Variants in SLC44A5 observed in about 807,000 individuals in gnomAD.
SLC44A5 encodes the protein solute carrier family 44 member 5, also known as choline transporter-like protein 5.
Under a neutral mutation model 101.8 loss-of-function variants are expected in SLC44A5, and 57 were observed. The ratio of observed to expected loss-of-function variants is 0.56; its 90% CI spans 0.45 to 0.70. The LOEUF (loss-of-function observed/expected upper bound fraction) is 0.70. Ranked by LOEUF, SLC44A5 falls within the 30% of genes least tolerant of loss-of-function variation. The pLI, the probability that SLC44A5 is intolerant of heterozygous loss-of-function variation, is 0.00. For synonymous variants in SLC44A5, 281 were observed against 290.9 expected, an observed-to-expected ratio of 0.97 and a Z score of 0.35; for missense variants, 737 against 853.1, an observed-to-expected ratio of 0.86 and a Z score of 1.70.
chr1:75,702,405 G>T, the SLC44A5 span, among the ~76,000 whole-genome samples: 1 of 152,050 alleles, frequency 6.6e-6, no homozygotes, highest in African/African-American at 2.4e-5. Context: ...ACAAGAAATG[G>T]GGAAAGGATT....
At chr1:75,592,082 G>C (rs1557941852) in intron 1 of SLC44A5, among the ~76,000 whole-genome samples, 4 of 152,110 alleles carry the variant, frequency 2.6e-5, no homozygotes. Flanking sequence ...AAAGGAAGAA[G>C]TCAAATTATC....
chr1:75,643,720 C>T, the SLC44A5 span, among the ~76,000 whole-genome samples: 3 of 152,254 alleles, frequency 2.0e-5, no homozygotes, highest in African/African-American at 4.8e-5. Flanking sequence ...TGCTCCCTGG[C>T]CTGCGGCCAA....
At chr1:75,608,097 A>G (rs1281222866) in intron 1 of SLC44A5, among the ~76,000 whole-genome samples, 1 of 151,860 alleles carries the variant, frequency 6.6e-6, no homozygotes, top group Non-Finnish European at 1.5e-5. Context: ...ATCATACAGT[A>G]TTTTTCTTTT....
In SLC44A5 at chr1:75,513,708, C is replaced by T. The variant is rs1001227739; in HGVS notation, c.13+27727G>A. ...ACAGCTAGAGGTAGACAAGGAGTTCCAATCCAACATACAAAAGGGAGCCTT... is the reference window on the plus strand; with the variant it reads ...ACAGCTAGAGGTAGACAAGGAGTTCTAATCCAACATACAAAAGGGAGCCTT... On this transcript the variant is annotated intron_variant, in intron 2 of 23. Coordinates refer to ENST00000370859, the MANE Select transcript of SLC44A5 (RefSeq NM_001130058.2). Among the ~76,000 whole-genome samples the T allele has an allele frequency of 2.6e-5, 4 of 152,302 alleles. No homozygotes were observed. In the South Asian group the frequency reaches 6.2e-4, roughly 24 times the overall value.
At chr1:75,609,146 C>A (rs113066577) in intron 1 of SLC44A5, among the ~76,000 whole-genome samples, 2 of 151,598 alleles carry the variant, frequency 1.3e-5, no homozygotes, top group Non-Finnish European at 2.9e-5. Flanking sequence ...GTAGAAGAGA[C>A]GGCAACCTTC....
At chr1:75,226,554 C>A (rs1455973499) in intron 13 of SLC44A5, among the ~76,000 whole-genome samples, 1 of 151,860 alleles carries the variant, frequency 6.6e-6, no homozygotes, top group Non-Finnish European at 1.5e-5. Context: ...CCTGAGTATC[C>A]TTGAATGAAG....
chr1:75,545,901 A>C (rs1671624763), intron 1 of SLC44A5, among the ~76,000 whole-genome samples: 2 of 151,062 alleles, frequency 1.3e-5, no homozygotes, highest in Non-Finnish European at 2.9e-5. Context: ...AGCATGGCTC[A>C]CTGAAACCTC....
chr1:75,315,639 C>A (rs2100933318), intron 4 of SLC44A5, among the ~76,000 whole-genome samples: 1 of 152,260 alleles, frequency 6.6e-6, no homozygotes, highest in East Asian at 1.9e-4. Flanking sequence ...TCTTCTAATT[C>A]TATCTGTTAA....
At chr1:75,368,182 C>A (rs892166499) in intron 3 of SLC44A5, among the ~76,000 whole-genome samples, 5 of 150,950 alleles carry the variant, frequency 3.3e-5, no homozygotes, top group African/African-American at 1.2e-4. Flanking sequence ...ATTAAAAAAA[C>A]ACTCATAAAT....
At chr1:75,474,240 G>A (rs11804097) in intron 2 of SLC44A5, among the ~76,000 whole-genome samples, 31,731 of 152,034 alleles carry the variant, frequency 0.21, 3,793 homozygotes, top group African/African-American at 0.32. Context: ...TGCACCTTCT[G>A]TCAATTCCTA....
At chr1:75,221,959 TC>T (rs376182903) in intron 14 of SLC44A5, among the ~76,000 whole-genome samples, 35,077 of 143,846 alleles carry the variant, frequency 0.24, 6,377 homozygotes, top group African/African-American at 0.51. Flanking sequence ...GTCTTCTTCT[TC>T]TTTTTTTTTT....
rs561529774 is a variant in SLC44A5 at position 75,315,114 on chromosome 1, T to C, written c.102-14429A>G. Among the ~76,000 whole-genome samples, 7 of 152,268 alleles carry C rather than the reference T, an allele frequency of 4.6e-5. No individual in the cohort carries two copies. The East Asian group carries it at 1.4e-3, about 29-fold the overall frequency. On this transcript the variant is annotated intron_variant, in intron 4 of 23. Coordinates refer to ENST00000370859, the MANE Select transcript of SLC44A5 (RefSeq NM_001130058.2). ...CAGAGCTGCAGGATTATTTATGCAG[T>C]ATTTGTAAAGCACGTAGAACTCCTC...
At chr1:75,242,520 T>C (rs11162888) in intron 8 of SLC44A5, among the ~76,000 whole-genome samples, 25,620 of 152,028 alleles carry the variant, frequency 0.17, 2,419 homozygotes, top group Non-Finnish European at 0.22. Flanking sequence ...GAAATAAAAT[T>C]CTACTTGTTA....
rs1200987080 is a variant in SLC44A5 at position 75,215,786 on chromosome 1, T to C, written c.1696A>G (p.Ile566Val). 2 of 1,607,570 alleles carry C rather than the reference T, an allele frequency of 1.2e-6. No individual in the cohort carries two copies. The highest frequency in any genetic ancestry group is 1.7e-6 in the Non-Finnish European group (2 of 1,174,576). ...TAGGCATTTCTGTTTAAAAACTTTATTGCATTTTCCAAACACCAGAAGCAG... is the reference window on the plus strand; with the variant it reads ...TAGGCATTTCTGTTTAAAAACTTTACTGCATTTTCCAAACACCAGAAGCAG... Reference protein sequence around the residue: ...RCCFWCLENAIKFLNRNAYIM... With the variant: ...RCCFWCLENAVKFLNRNAYIM... Residue 566 changes from isoleucine to valine, a missense_variant, in exon 19 of 24, where the codon ATA becomes GTA. Physicochemically the swap from Ile to Val is conservative, Grantham distance 29. Around this residue, in one of 3 missense-constraint regions of SLC44A5, gnomAD observed 665 missense variants for 764.4 expected, o/e 0.87. Coordinates refer to ENST00000370859, the MANE Select transcript of SLC44A5 (RefSeq NM_001130058.2).
At chr1:75,282,727 G>A (rs560398030) in intron 5 of SLC44A5, among the ~76,000 whole-genome samples, 1 of 152,158 alleles carries the variant, frequency 6.6e-6, no homozygotes, top group East Asian at 1.9e-4. Flanking sequence ...TTTTATAAGG[G>A]GCTTTTCCCC....
At chr1:75,359,514 T>C (rs1220674200) in intron 3 of SLC44A5, among the ~76,000 whole-genome samples, 2 of 152,094 alleles carry the variant, frequency 1.3e-5, no homozygotes, top group African/African-American at 2.4e-5. Context: ...GTGCTGGGAT[T>C]ACAGGCCTGA....
intron 2 of SLC44A5, among the ~76,000 whole-genome samples, chr1:75,537,033 A>AATATATATAT (rs61399659): frequency 0.13 from 5,642 of 42,630 alleles, 899 homozygotes; most frequent in East Asian, 0.37. Context: ...AAAAAAAAAA[A>AATATATATAT]ATATATATCT....
chr1:75,268,659 T>C (rs949138330), intron 6 of SLC44A5, among the ~76,000 whole-genome samples: 1 of 152,180 alleles, frequency 6.6e-6, no homozygotes, highest in Non-Finnish European at 1.5e-5. Flanking sequence ...TTCTTGCATA[T>C]GTTTTCATAT....
chr1:75,439,632 A>G (rs1033857949), intron 2 of SLC44A5, among the ~76,000 whole-genome samples: 13 of 152,100 alleles, frequency 8.5e-5, no homozygotes, highest in Non-Finnish European at 1.5e-4. Flanking sequence ...GAAGACAGAA[A>G]TAAATAGATA....
Sources: gnomAD v4.1 joint callset for allele counts (sites outside exome capture counted in the v4.1 genomes callset) on GRCh38, gnomAD v4.1.1 for gene constraint, gnomAD v4.1.1 regional missense constraint, MANE v1.5 for transcripts, NCBI Gene and HGNC (gene_info 2026-07-23, HGNC 2026-07-21) for gene names.